DDX4: variants seen among roughly 807,000 people sequenced by gnomAD.
DDX4 encodes DEAD-box helicase 4.
DDX4 carries 25 observed loss-of-function variants against 100.0 expected under a neutral mutation model. That is an observed-to-expected ratio of 0.25 (90% CI 0.18 to 0.35). The LOEUF is 0.35. DDX4 is among the 10% of genes least tolerant of loss of function. The pLI is 1.00. For missense variants in DDX4, 635 were observed against 882.4 expected, an observed-to-expected ratio of 0.72 and a Z score of 3.55; for synonymous variants, 259 against 275.7, an observed-to-expected ratio of 0.94 and a Z score of 0.60.
At chr5:55,786,831 C>T (rs952131973) in intron 14 of DDX4, among the ~76,000 whole-genome samples, 161 bp downstream of exon 14, 5 of 152,186 alleles carry the variant, frequency 3.3e-5, no homozygotes, top group Non-Finnish European at 5.9e-5. Context: ...GATTTGTGTA[C>T]TTCGGAAGAA....
chr5:55,804,671 CATTG>C (rs1743574517), intron 18 of DDX4, among the ~76,000 whole-genome samples: 1 of 152,008 alleles, frequency 6.6e-6, no homozygotes, highest in African/African-American at 2.4e-5. Flanking sequence ...TGTTCTGTTC[CATTG>C]ATCTATATCT....
chr5:55,742,104 A>C (rs775723368), intron 2 of DDX4: 1 of 449,996 alleles, frequency 2.2e-6, no homozygotes, highest in Admixed American at 2.4e-5. Flanking sequence ...TTTTAAAGTG[A>C]GTGTACCACC....
chr5:55,738,928 A>AT (rs113491933), intron 1 of DDX4, 22 bp from the exon 2 acceptor site: 126,598 of 953,322 alleles, frequency 0.13, 751 homozygotes, highest in African/African-American at 0.19. Flanking sequence ...CCAAATGTGC[A>AT]TTTTTTTTTT....
intron 3 of DDX4, among the ~76,000 whole-genome samples, chr5:55,751,039 C>G (rs772319527): frequency 6.6e-5 from 10 of 152,088 alleles, no homozygotes; most frequent in Non-Finnish European, 1.5e-4. Flanking sequence ...AGTAGAATTA[C>G]AGGGTTATGG....
intron 18 of DDX4, among the ~76,000 whole-genome samples, chr5:55,805,854 G>A (rs1374093753): frequency 6.6e-6 from 1 of 152,156 alleles, no homozygotes; most frequent in African/African-American, 2.4e-5. Flanking sequence ...GAGTTAGGGA[G>A]GATTCCCTCT....
intron 18 of DDX4, among the ~76,000 whole-genome samples, chr5:55,809,801 G>A (rs1199925538): frequency 6.6e-6 from 1 of 152,204 alleles, no homozygotes; most frequent in Non-Finnish European, 1.5e-5. Flanking sequence ...TGAAGAAGAT[G>A]TTAGATTCAA....
intron 18 of DDX4, among the ~76,000 whole-genome samples, chr5:55,810,302 ACCACATTGG>A (rs970821919): frequency 6.6e-6 from 1 of 152,108 alleles, no homozygotes; most frequent in African/African-American, 2.4e-5. Flanking sequence ...ATGGGGTTTC[ACCACATTGG>A]CCAGGCTGGT....
At chr5:55,792,938 A>G (rs897510356) in intron 17 of DDX4, 131 bp downstream of exon 17, 2 of 492,082 alleles carry the variant, frequency 4.1e-6, no homozygotes, top group Non-Finnish European at 5.9e-6. Flanking sequence ...TAAAAAGTAG[A>G]TGTATTTCTA....
intron 2 of DDX4, 104 bp downstream of exon 2, chr5:55,739,136 C>T: frequency 4.2e-6 from 3 of 722,390 alleles, no homozygotes; most frequent in South Asian, 3.4e-5. Context: ...CAGTGTTTAT[C>T]TCCATGTGAT....
At chr5:55,793,435 A>G (rs569030162) in intron 17 of DDX4, among the ~76,000 whole-genome samples, 1 of 152,302 alleles carries the variant, frequency 6.6e-6, no homozygotes, top group Non-Finnish European at 1.5e-5. Flanking sequence ...ATAGGTATTA[A>G]TTGCATTTTT....
At chr5:55,757,415 C>T (rs139489217) in intron 3 of DDX4, among the ~76,000 whole-genome samples, 95 of 152,308 alleles carry the variant, frequency 6.2e-4, no homozygotes, top group African/African-American at 2.2e-3. Context: ...TCTCCAATTC[C>T]ATCCAGGTTG....
At chr5:55,808,370 T>C (rs921739816) in intron 18 of DDX4, among the ~76,000 whole-genome samples, 2 of 152,262 alleles carry the variant, frequency 1.3e-5, no homozygotes, top group African/African-American at 4.8e-5. Flanking sequence ...GGAGCTGCGT[T>C]CCTTTGGACG....
intron 2 of DDX4, among the ~76,000 whole-genome samples, chr5:55,739,533 G>A (rs145753007): frequency 5.3e-4 from 81 of 152,228 alleles, no homozygotes; most frequent in African/African-American, 1.9e-3. Context: ...AGGGGACAGT[G>A]GGGTAAGTTT....
At chr5:55,787,742 A>G in intron 14 of DDX4, 104 bp from the exon 15 acceptor site, 1 of 1,228,116 alleles carries the variant, frequency 8.1e-7, no homozygotes, top group Admixed American at 2.8e-5. Context: ...TTTACCAGTA[A>G]GATGGAAGTA....
chr5:55,765,411 A>T (rs369368604), intron 6 of DDX4, among the ~76,000 whole-genome samples: 9,633 of 95,486 alleles, frequency 0.1, 374 homozygotes, highest in Non-Finnish European at 0.11. Context: ...AAAAAAAAAA[A>T]AAATATATAT....
At chr5:55,752,408 C>G (rs2111678663) in intron 3 of DDX4, among the ~76,000 whole-genome samples, 1 of 146,288 alleles carries the variant, frequency 6.8e-6, no homozygotes, top group South Asian at 2.2e-4. Flanking sequence ...TGTTCAGTTC[C>G]CACCTATGAG....
chr5:55,802,622 A>C (rs886109094), intron 18 of DDX4, among the ~76,000 whole-genome samples: 2 of 152,232 alleles, frequency 1.3e-5, no homozygotes, highest in Non-Finnish European at 2.9e-5. Context: ...CCTTCTACCC[A>C]AGACTCTATT....
intron 18 of DDX4, among the ~76,000 whole-genome samples, chr5:55,802,108 T>A (rs1743353454): frequency 6.6e-6 from 1 of 152,208 alleles, no homozygotes; most frequent in Non-Finnish European, 1.5e-5. Flanking sequence ...CATTCCATTT[T>A]CAAATACGAA....
At chr5:55,796,917 C>T (rs1174537060) in intron 17 of DDX4, among the ~76,000 whole-genome samples, 2 of 135,792 alleles carry the variant, frequency 1.5e-5, no homozygotes, top group East Asian at 4.5e-4. Context: ...TCATGGTTCA[C>T]TGCCACCTTG....
Sources: gnomAD v4.1 joint callset for allele counts (sites outside exome capture counted in the v4.1 genomes callset) on GRCh38, gnomAD v4.1.1 for gene constraint, MANE v1.5 for transcripts, NCBI Gene and HGNC (gene_info 2026-07-23, HGNC 2026-07-21) for gene names.